CNTRL: variants seen among roughly 807,000 people sequenced by gnomAD.
The protein encoded by CNTRL is 110 kDa centrosomal protein.
CNTRL carries 233 observed loss-of-function variants against 303.7 expected under a neutral mutation model. The observed-to-expected ratio is 0.77, with a 90% CI of 0.69 to 0.86. The LOEUF (loss-of-function observed/expected upper bound fraction) is 0.86, where lower values mean the gene tolerates loss of function less well. Among genes scored for constraint, CNTRL ranks in the 40% least tolerant of loss-of-function variants. The probability of loss-of-function intolerance (pLI) is 0.00; values close to 1 mark genes in which losing one functional copy is unlikely to be tolerated. For missense variants in CNTRL, 2,524 were observed against 2,650.6 expected (o/e 0.95, Z 1.05); for synonymous variants, 900 against 922.2 (o/e 0.98, Z 0.44).
intron 32 of CNTRL, 114 bp from the exon 33 acceptor site, chr9:121,161,742 C>CA (rs1425357293): frequency 1.4e-6 from 1 of 705,140 alleles, no homozygotes; most frequent in Non-Finnish European, 2.3e-6. Context: ...TTCAGCTCAA[C>CA]AAAATTTTTA....
At position 121,125,940 on chromosome 9, in the gene CNTRL, T is replaced by C. The variant is rs746072244; in HGVS notation, c.2025+4T>C. On this transcript the variant is annotated splice_donor_region_variant and intron_variant, in intron 14 of 43. Transcript: ENST00000373855. ...GGATGCAGAAAATATGAGGAAGGTATGATTTTTTTCCTGCCTATTTTCCGT... is the reference window on the plus strand; with the variant it reads ...GGATGCAGAAAATATGAGGAAGGTACGATTTTTTTCCTGCCTATTTTCCGT... 6.2e-7 allele frequency: 1 copy of C among 1,612,284 alleles called. No homozygotes were observed. Among genetic ancestry groups the C allele is most frequent in the Non-Finnish European group, 8.5e-7 (1 of 1,178,290 alleles).
intron 13 of CNTRL, 141 bp from the exon 14 acceptor site, chr9:121,125,575 T>C: frequency 1.4e-6 from 1 of 714,746 alleles, no homozygotes; most frequent in Non-Finnish European, 2.3e-6. Flanking sequence ...GGAAGAAAAT[T>C]TAACATTATG....
At chr9:121,095,099 A>G in intron 5 of CNTRL, 81 bp downstream of exon 5, 1 of 1,049,568 alleles carries the variant, frequency 9.5e-7, no homozygotes, top group Non-Finnish European at 1.4e-6. Context: ...CACATTACTG[A>G]AAGAATGATT....
chr9:121,109,670 C>T (rs1018355707), intron 8 of CNTRL, among the ~76,000 whole-genome samples: 1 of 151,970 alleles, frequency 6.6e-6, no homozygotes, highest in African/African-American at 2.4e-5. Flanking sequence ...GTGTAATTTG[C>T]ATTTAAAATT....
intron 26 of CNTRL, among the ~76,000 whole-genome samples, chr9:121,153,242 C>T (rs1433999015): frequency 6.6e-6 from 1 of 152,176 alleles, no homozygotes; most frequent in East Asian, 1.9e-4. Context: ...TGACACACTG[C>T]AAATCTGACT....
At chr9:121,163,526 A>G (rs1041118673) in intron 34 of CNTRL, among the ~76,000 whole-genome samples, 4 of 152,080 alleles carry the variant, frequency 2.6e-5, no homozygotes, top group African/African-American at 7.2e-5. Flanking sequence ...TTAGACTTCA[A>G]AATTTAAAAC....
chr9:121,157,905 C>T, intron 29 of CNTRL, 25 bp downstream of exon 29: 3 of 1,613,696 alleles, frequency 1.9e-6, no homozygotes, highest in African/African-American at 1.3e-5. Flanking sequence ...TGTAGGGCTA[C>T]AAGGGGTTTG....
Position 121,173,249 on chromosome 9 carries a change from A to C in CNTRL, c.6424A>C (p.Asn2142His). The change falls in exon 41 of 44, where the codon AAC becomes CAC. Residue 2142 changes from asparagine to histidine, a missense_variant. Asn to His is a moderately conservative substitution (Grantham distance 68). Transcript: ENST00000373855. ...ACACCAACTCACTGTTTAGATGGCAAACCAAAAAGATTTGGAGAGAAGACA... is the reference window on the plus strand; with the variant it reads ...ACACCAACTCACTGTTTAGATGGCACACCAAAAAGATTTGGAGAGAAGACA... ...EYTELKKQMA[N>H]QKDLERRQME... 1 of 1,606,238 alleles carries C rather than the reference A, an allele frequency of 6.2e-7. No homozygotes were observed. Among genetic ancestry groups the C allele is most frequent in the East Asian group, 2.2e-5 (1 of 44,708 alleles).
intron 12 of CNTRL, chr9:121,122,416 T>C: frequency 1.0e-6 from 1 of 984,864 alleles, no homozygotes; most frequent in Non-Finnish European, 1.2e-6. Context: ...CGTTTCTTTC[T>C]TGTATTTGGG....
At chr9:121,126,200 T>C (rs10818510) in intron 14 of CNTRL, among the ~76,000 whole-genome samples, 90,629 of 151,976 alleles carry the variant, frequency 0.6, 29,240 homozygotes, top group South Asian at 0.89. Context: ...CAAATAACTC[T>C]AAAGAATATG....
intron 11 of CNTRL, among the ~76,000 whole-genome samples, chr9:121,117,444 ATTAAG>A (rs530463245): frequency 9.0e-4 from 137 of 152,316 alleles, no homozygotes; most frequent in African/African-American, 3.2e-3. Flanking sequence ...GAGATAGAGT[ATTAAG>A]TTATTACTTC....
rs1350061967 is a variant in CNTRL at position 121,141,376 on chromosome 9, A to G, written c.2484-5A>G. 2.5e-6 allele frequency: 4 copies of G among 1,607,192 alleles called. No individual in the cohort carries two copies. Among genetic ancestry groups the G allele is most frequent in the Middle Eastern group, 1.7e-4 (1 of 6,040 alleles). On this transcript the variant is annotated splice_polypyrimidine_tract_variant and splice_region_variant and intron_variant, in intron 17 of 43. Coordinates refer to ENST00000373855, the MANE Select transcript of CNTRL (RefSeq NM_007018.6). ...ATTTATACCATTTTTCCCCCTCCTTACTAGCATCCATAGTCCTTCAGATGT... is the reference window on the plus strand; with the variant it reads ...ATTTATACCATTTTTCCCCCTCCTTGCTAGCATCCATAGTCCTTCAGATGT...
chr9:121,134,972 A>G (rs1005527445), intron 14 of CNTRL, among the ~76,000 whole-genome samples: 1 of 152,200 alleles, frequency 6.6e-6, no homozygotes, highest in Admixed American at 6.5e-5. Context: ...TAGTATCTAT[A>G]TTTTAAACAA....
intron 2 of CNTRL, among the ~76,000 whole-genome samples, chr9:121,086,397 T>C (rs1413500000): frequency 6.6e-6 from 1 of 152,210 alleles, no homozygotes; most frequent in East Asian, 1.9e-4. Flanking sequence ...TGCCCTGCAC[T>C]GGAGGCTTTC....
intron 19 of CNTRL, 54 bp downstream of exon 19, chr9:121,142,324 C>G (rs973865080): frequency 1.4e-6 from 2 of 1,460,818 alleles, no homozygotes; most frequent in African/African-American, 2.8e-5. Context: ...AGTGTCCTGC[C>G]CACTGGCAAC....
At chr9:121,167,072 G>A (rs1414114349) in intron 36 of CNTRL, among the ~76,000 whole-genome samples, 2 of 151,866 alleles carry the variant, frequency 1.3e-5, no homozygotes, top group African/African-American at 4.8e-5. Context: ...CACTTTGGGA[G>A]GCCAAGGCAG....
intron 34 of CNTRL, among the ~76,000 whole-genome samples, chr9:121,163,342 T>C (rs966825928): frequency 4.9e-4 from 73 of 148,446 alleles, no homozygotes; most frequent in African/African-American, 1.3e-3. Flanking sequence ...TATATATATA[T>C]ACATATTTAT....
At chr9:121,084,207 T>C (rs1435845554) in intron 2 of CNTRL, among the ~76,000 whole-genome samples, 3 of 152,054 alleles carry the variant, frequency 2.0e-5, no homozygotes. Context: ...TCTTATAATA[T>C]TTTTTGTCCA....
rs112416972 is a variant in CNTRL, at chr9:121,105,913, T to C, written c.809-1889T>C. ...GTCTCTTGTAGTACTTAATAAATCA[T>C]TTTTTTAAAAAGATCAAAAATTAAA... On this transcript the variant is annotated intron_variant, in intron 7 of 43. Coordinates refer to ENST00000373855, the MANE Select transcript of CNTRL (RefSeq NM_007018.6). Among the ~76,000 whole-genome samples, 1,231 of 150,318 alleles carry C rather than the reference T, an allele frequency of 8.2e-3. 16 individuals carry two copies. The highest frequency in any genetic ancestry group is 0.029 in the African/African-American group (1,166 of 39,970).
Sources: gnomAD v4.1 joint callset for allele counts (sites outside exome capture counted in the v4.1 genomes callset) on GRCh38, gnomAD v4.1.1 for gene constraint, MANE v1.5 for transcripts, NCBI Gene and HGNC (gene_info 2026-07-23, HGNC 2026-07-21) for gene names.